The following SHROOM3 variants were observed in gnomAD, a reference collection of about 807,000 sequenced individuals.
The protein encoded by SHROOM3 is shroom family member 3.
SHROOM3 carries 47 observed loss-of-function variants against 138.6 expected under a neutral mutation model. The ratio of observed to expected loss-of-function variants is 0.34; its 90% CI spans 0.27 to 0.43. The LOEUF is 0.43. Among genes scored for constraint, SHROOM3 ranks in the 20% least tolerant of loss-of-function variants. SHROOM3 has a pLI of 1.00. For missense variants in SHROOM3, 2,491 were observed against 2,596.5 expected (o/e 0.96, Z 0.88); for synonymous variants, 1,062 against 1,063.3 (o/e 1.00, Z 0.02).
rs764340759 is a variant in SHROOM3, at chr4:76,749,048, G to A, written c.3785G>A (p.Gly1262Asp). The change falls in exon 6 of 11, where the codon GGT becomes GAT. Residue 1262 changes from glycine (G) to aspartate (D), a missense_variant. Physicochemically the swap from Gly to Asp is moderately conservative, Grantham distance 94. This residue lies in a region of SHROOM3 where 1,733 missense variants were observed against 1,661.6 expected (regional missense o/e 1.04). Coordinates refer to ENST00000296043, the MANE Select transcript of SHROOM3 (RefSeq NM_020859.4). ...CTTTTGGGGCAAGACAGTGGCTTTG[G>A]TCTTGTGAAGGATCCATGTTATTTG... Reference protein sequence around the residue: ...DVLLGQDSGFGLVKDPCYLAG... With the variant: ...DVLLGQDSGFDLVKDPCYLAG... 6.2e-7 allele frequency: 1 copy of A among 1,613,972 alleles called. No homozygotes were observed. Among genetic ancestry groups the A allele is most frequent in the South Asian group, 1.1e-5 (1 of 91,062 alleles).
intron 2 of SHROOM3, among the ~76,000 whole-genome samples, chr4:76,676,966 AAG>A (rs1491037645): frequency 3.3e-5 from 5 of 151,176 alleles, no homozygotes; most frequent in African/African-American, 1.2e-4. Flanking sequence ...AAAAAAAAAA[AAG>A]GAAAAGGAAA....
At chr4:76,439,198 T>C (rs1730620030) in intron 1 of SHROOM3, among the ~76,000 whole-genome samples, 2 of 152,100 alleles carry the variant, frequency 1.3e-5, no homozygotes, top group South Asian at 4.2e-4. Context: ...CCTTCCTCCA[T>C]CTTCAAAGTC....
intron 1 of SHROOM3, among the ~76,000 whole-genome samples, chr4:76,554,593 T>C (rs935090734): frequency 6.6e-6 from 1 of 152,024 alleles, no homozygotes; most frequent in African/African-American, 2.4e-5. Flanking sequence ...CTAATTTTTT[T>C]GTATTTTTAG....
chr4:76,714,971 G>A (rs928719454), intron 3 of SHROOM3, among the ~76,000 whole-genome samples: 2 of 152,130 alleles, frequency 1.3e-5, no homozygotes, highest in African/African-American at 4.8e-5. Flanking sequence ...TGTGGAAAAG[G>A]ATGAGGTAGT....
intron 3 of SHROOM3, chr4:76,716,445 A>G (rs768063556): frequency 1.9e-5 from 10 of 518,632 alleles, no homozygotes; most frequent in East Asian, 1.1e-4. Context: ...GCGATTCAGA[A>G]TCTTTCATTG....
At chr4:76,600,092 C>T (rs1358807644) in intron 2 of SHROOM3, among the ~76,000 whole-genome samples, 6 of 152,162 alleles carry the variant, frequency 3.9e-5, no homozygotes, top group Non-Finnish European at 8.8e-5. Flanking sequence ...GTCAAGGCTG[C>T]AGTGAGCCAT....
chr4:76,513,651 G>A (rs761319882), intron 1 of SHROOM3, among the ~76,000 whole-genome samples: 2 of 152,106 alleles, frequency 1.3e-5, no homozygotes, highest in East Asian at 1.9e-4. Context: ...CACATTTACC[G>A]GTAGTATGCT....
intron 6 of SHROOM3, among the ~76,000 whole-genome samples, chr4:76,751,602 C>T (rs1207127793): frequency 1.3e-5 from 2 of 152,136 alleles, no homozygotes; most frequent in African/African-American, 2.4e-5. Context: ...TAAATTCAGA[C>T]ATTCACTTGT....
At chr4:76,560,156 CAG>C (rs1473280088) in intron 2 of SHROOM3, among the ~76,000 whole-genome samples, 4 of 152,168 alleles carry the variant, frequency 2.6e-5, no homozygotes, top group Non-Finnish European at 5.9e-5. Flanking sequence ...CTGAAATCAA[CAG>C]AGACTTTATC....
At chr4:76,751,777 T>A (rs1433431512) in intron 6 of SHROOM3, among the ~76,000 whole-genome samples, 1 of 152,026 alleles carries the variant, frequency 6.6e-6, no homozygotes, top group Non-Finnish European at 1.5e-5. Context: ...CTCACACACA[T>A]TAGAATGGCT....
intron 2 of SHROOM3, among the ~76,000 whole-genome samples, chr4:76,675,096 A>T (rs758187033): frequency 1.3e-5 from 2 of 152,234 alleles, no homozygotes; most frequent in African/African-American, 2.4e-5. Context: ...TGTCAGATTT[A>T]TTCATTCCTA....
chr4:76,457,178 A>T (rs1470734942), intron 1 of SHROOM3, among the ~76,000 whole-genome samples: 1 of 152,184 alleles, frequency 6.6e-6, no homozygotes. Flanking sequence ...GTCAAATTGT[A>T]TTCTCCACTG....
chr4:76,767,858 A>C (rs1560622476), intron 9 of SHROOM3, among the ~76,000 whole-genome samples: 1 of 152,222 alleles, frequency 6.6e-6, no homozygotes, highest in African/African-American at 2.4e-5. Flanking sequence ...GCTGAAAAAA[A>C]CCACCTTGTT....
chr4:76,448,201 G>A (rs1344011555), intron 1 of SHROOM3, among the ~76,000 whole-genome samples: 1 of 151,996 alleles, frequency 6.6e-6, no homozygotes, highest in Non-Finnish European at 1.5e-5. Flanking sequence ...ATAAAAGATG[G>A]AGCCAAGATT....
chr4:76,762,403 G>A (rs1722014953), intron 9 of SHROOM3, among the ~76,000 whole-genome samples: 1 of 152,188 alleles, frequency 6.6e-6, no homozygotes, highest in African/African-American at 2.4e-5. Flanking sequence ...TCCTAAATCA[G>A]ACTCTTACGA....
At chr4:76,457,798 C>CTTT (rs1186099037) in intron 1 of SHROOM3, among the ~76,000 whole-genome samples, 50 of 138,040 alleles carry the variant, frequency 3.6e-4, no homozygotes, top group African/African-American at 1.2e-3. Flanking sequence ...CTTTTCTTTT[C>CTTT]TTTTTTTTTT....
At chr4:76,512,774 C>G (rs1732365126) in intron 1 of SHROOM3, among the ~76,000 whole-genome samples, 1 of 152,064 alleles carries the variant, frequency 6.6e-6, no homozygotes, top group Non-Finnish European at 1.5e-5. Flanking sequence ...CACGGAGGGA[C>G]AGTTAGCAGA....
At chr4:76,534,922 T>A (rs1732919197) in intron 1 of SHROOM3, among the ~76,000 whole-genome samples, 2 of 152,040 alleles carry the variant, frequency 1.3e-5, no homozygotes, top group South Asian at 4.2e-4. Context: ...AAAGATTTAC[T>A]CCCCAGATCC....
At chr4:76,530,455 G>A (rs1306401149) in intron 1 of SHROOM3, among the ~76,000 whole-genome samples, 1 of 152,132 alleles carries the variant, frequency 6.6e-6, no homozygotes, top group Non-Finnish European at 1.5e-5. Context: ...ATCCTCCAGG[G>A]TCTTGTTAAT....
Sources: allele counts gnomAD v4.1 joint callset (sites outside exome capture counted in the v4.1 genomes callset), GRCh38; gene constraint gnomAD v4.1.1; regional missense constraint gnomAD v4.1.1; transcripts MANE v1.5; gene names NCBI Gene and HGNC (gene_info 2026-07-23, HGNC 2026-07-21).